SSX2IP: variants seen among roughly 807,000 people sequenced by gnomAD.
SSX2IP encodes the protein afadin- and alpha-actinin-binding protein.
SSX2IP carries 55 observed loss-of-function variants against 84.9 expected under a neutral mutation model. That is an observed-to-expected ratio of 0.65 (90% CI 0.52 to 0.81). The LOEUF is 0.81. Ranked by LOEUF, SSX2IP falls within the 30% of genes least tolerant of loss-of-function variation. The probability of loss-of-function intolerance (pLI) is 0.00; values close to 1 mark genes in which losing one functional copy is unlikely to be tolerated. For missense variants in SSX2IP, 664 were observed against 705.2 expected (o/e 0.94, Z 0.66); for synonymous variants, 239 against 234.7 (o/e 1.02, Z -0.17).
intron 13 of SSX2IP, 35 bp from the exon 14 acceptor site, chr1:84,647,642 T>C: frequency 6.9e-7 from 1 of 1,447,370 alleles, no homozygotes; most frequent in Non-Finnish European, 9.2e-7. Context: ...TTAGTGACTA[T>C]CCTCTCCTTC....
chr1:84,663,881 T>C (rs1652390018), intron 6 of SSX2IP, among the ~76,000 whole-genome samples: 1 of 152,130 alleles, frequency 6.6e-6, no homozygotes, highest in Admixed American at 6.6e-5. Context: ...ATCCACATAT[T>C]TGGATGAAAT....
At chr1:84,678,135 AG>A (rs1469018230) in intron 1 of SSX2IP, among the ~76,000 whole-genome samples, 1 of 152,210 alleles carries the variant, frequency 6.6e-6, no homozygotes, top group Non-Finnish European at 1.5e-5. Flanking sequence ...GCCACTGATC[AG>A]GTTTTTAACA....
chr1:84,666,048 C>T, intron 5 of SSX2IP, 74 bp downstream of exon 5: 1 of 1,069,088 alleles, frequency 9.4e-7, no homozygotes, highest in Non-Finnish European at 1.4e-6. Flanking sequence ...AGTAAAGTGG[C>T]TCTTATGGTC....
intron 11 of SSX2IP, chr1:84,655,570 T>C (rs1392378355): frequency 5.6e-6 from 8 of 1,417,732 alleles, no homozygotes; most frequent in Non-Finnish European, 7.5e-6. Flanking sequence ...TGTAAAACAC[T>C]TAGCAGGAGA....
At chr1:84,677,742 G>A (rs763610322) in intron 1 of SSX2IP, among the ~76,000 whole-genome samples, 1 of 152,158 alleles carries the variant, frequency 6.6e-6, no homozygotes, top group Non-Finnish European at 1.5e-5. Flanking sequence ...TGAGAGGTCC[G>A]TGTGGCAAGG....
In SSX2IP at chr1:84,654,747, G is replaced by A. The variant is rs539116201; in HGVS notation, c.1389+1085C>T. Among the ~76,000 whole-genome samples the A allele has an allele frequency of 1.7e-3, 265 of 152,224 alleles. 1 individual carries two copies. The highest frequency in any genetic ancestry group is 6.2e-3 in the African/African-American group (257 of 41,566). On this transcript the variant is annotated intron_variant, in intron 11 of 13. Coordinates refer to ENST00000342203, the MANE Select transcript of SSX2IP (RefSeq NM_001166293.2). Reference sequence around the variant, plus strand: ...GTTATAGAATAACATTTACATAATTGTAGTATTATCAATTTTCTTTCCTGG... The same window carrying A: ...GTTATAGAATAACATTTACATAATTATAGTATTATCAATTTTCTTTCCTGG...
intron 11 of SSX2IP, chr1:84,655,330 C>T: frequency 1.0e-5 from 11 of 1,065,648 alleles, no homozygotes; most frequent in South Asian, 5.3e-5. Flanking sequence ...TAACCTTATT[C>T]AGACATTACT....
intron 8 of SSX2IP, among the ~76,000 whole-genome samples, chr1:84,661,492 ATAACTATTCT>A (rs1651975635): frequency 1.3e-5 from 2 of 152,010 alleles, no homozygotes; most frequent in Non-Finnish European, 2.9e-5. Context: ...CTTGATTGCC[ATAACTATTCT>A]GTTCTGCACA....
chr1:84,663,709 T>C (rs1427021639), intron 6 of SSX2IP, among the ~76,000 whole-genome samples: 2 of 152,164 alleles, frequency 1.3e-5, no homozygotes, highest in East Asian at 1.9e-4. Flanking sequence ...CACGGTATAA[T>C]GTATGTTAGA....
At chr1:84,675,214 T>C (rs1433358698) in intron 1 of SSX2IP, among the ~76,000 whole-genome samples, 1 of 152,214 alleles carries the variant, frequency 6.6e-6, no homozygotes, top group Non-Finnish European at 1.5e-5. Flanking sequence ...TATAGATTAA[T>C]CAAATAATAG....
intron 1 of SSX2IP, among the ~76,000 whole-genome samples, chr1:84,677,760 G>A (rs941684422): frequency 6.6e-6 from 1 of 152,134 alleles, no homozygotes; most frequent in Non-Finnish European, 1.5e-5. Context: ...AGGAACTGAC[G>A]TCTGAGGTCA....
At chr1:84,677,298 A>G (rs1396785926) in intron 1 of SSX2IP, among the ~76,000 whole-genome samples, 2 of 152,174 alleles carry the variant, frequency 1.3e-5, no homozygotes, top group Admixed American at 6.5e-5. Flanking sequence ...TCTATCGTAA[A>G]TATCAACACA....
intron 12 of SSX2IP, 103 bp downstream of exon 12, chr1:84,651,780 G>T: frequency 1.4e-6 from 1 of 691,768 alleles, no homozygotes; most frequent in Non-Finnish European, 2.4e-6. Context: ...AGCTCTAATT[G>T]GTGATTTCCA....
intron 11 of SSX2IP, 136 bp from the exon 12 acceptor site, chr1:84,652,133 A>T (rs976532044): frequency 4.8e-6 from 3 of 625,252 alleles, no homozygotes; most frequent in Non-Finnish European, 8.5e-6. Context: ...GAGTTAACCT[A>T]AAAAACTAAA....
intron 12 of SSX2IP, 96 bp from the exon 13 acceptor site, chr1:84,650,623 A>G: frequency 7.7e-7 from 1 of 1,302,738 alleles, no homozygotes; most frequent in Non-Finnish European, 1.1e-6. Context: ...TGCGGTTCTG[A>G]GTGAGGAAAG....
chr1:84,678,370 C>CGA (rs1654655152), intron 1 of SSX2IP, among the ~76,000 whole-genome samples: 1 of 152,156 alleles, frequency 6.6e-6, no homozygotes, highest in Non-Finnish European at 1.5e-5. Context: ...CCTTCTTGCA[C>CGA]GTATTTCAAA....
rs1378444289 is a variant in SSX2IP, at chr1:84,644,192, G to C, written c.*3241C>G. The C allele has an allele frequency of 6.6e-6, 1 of 152,184 alleles. No individual in the cohort carries two copies. The highest frequency in any genetic ancestry group is 2.4e-5 in the African/African-American group (1 of 41,432). 9.4% of individuals were successfully genotyped at this position (152,184 alleles called of 1,614,324 possible). A position where few individuals can be genotyped will look rare whatever the true frequency, so the allele number is the denominator to read the frequency against. ...TACTTCACAAAGGAAATAATGCTAA[G>C]ACTTATAAATGGAAGCCTAGCCACG... is the stretch of plus-strand genomic sequence containing the variant. On this transcript the variant is annotated 3_prime_UTR_variant, in exon 14 of 14. Transcript: ENST00000342203.
rs902562660 is a variant in SSX2IP at position 84,645,422 on chromosome 1, A to T, written c.*2011T>A. On this transcript the variant is annotated 3_prime_UTR_variant, in exon 14 of 14. Coordinates refer to ENST00000342203, the MANE Select transcript of SSX2IP (RefSeq NM_001166293.2). ...GCTTTTACTCTGCTGTTTCTTTCAC[A>T]CTTTAGATTTTAAAAGTACGTCTCA... 6.6e-6 allele frequency: 1 copy of T among 152,114 alleles called. No homozygotes were observed. The highest frequency in any genetic ancestry group is 1.5e-5 in the Non-Finnish European group (1 of 68,006). 9.4% of individuals were successfully genotyped at this position (152,114 alleles called of 1,614,324 possible).
intron 1 of SSX2IP, among the ~76,000 whole-genome samples, chr1:84,676,719 CTTTTTTTTTTT>C (rs61017474): frequency 3.1e-4 from 31 of 99,460 alleles, no homozygotes; most frequent in Non-Finnish European, 4.4e-4. Flanking sequence ...TGCTCTTTTC[CTTTTTTTTTTT>C]TTTTTTTTTT....
Sources: gnomAD v4.1 joint callset for allele counts (sites outside exome capture counted in the v4.1 genomes callset) on GRCh38, gnomAD v4.1.1 for gene constraint, MANE v1.5 for transcripts, NCBI Gene and HGNC (gene_info 2026-07-23, HGNC 2026-07-21) for gene names.